The following POLR1A variants were observed in gnomAD, a reference collection of about 807,000 sequenced individuals.
The protein encoded by POLR1A is DNA-directed RNA polymerase I subunit RPA1.
Under a neutral mutation model 205.3 loss-of-function variants are expected in POLR1A, and 84 were observed. The ratio of observed to expected loss-of-function variants is 0.41; its 90% CI spans 0.34 to 0.49. POLR1A has a LOEUF of 0.49. POLR1A is among the 20% of genes least tolerant of loss of function. The probability of loss-of-function intolerance (pLI) is 0.22; values close to 1 mark genes in which losing one functional copy is unlikely to be tolerated. For synonymous variants in POLR1A, 799 were observed against 863.7 expected, an observed-to-expected ratio of 0.93 and a Z score of 1.31; for missense variants, 1,645 against 2,204.5, an observed-to-expected ratio of 0.75 and a Z score of 5.08.
intron 25 of POLR1A, chr2:86,039,878 G>A (rs530429991): frequency 1.1e-4 from 24 of 223,060 alleles, no homozygotes; most frequent in Admixed American, 9.9e-4. Context: ...AGGACCCCCT[G>A]AGGTTTGGAA....
intron 15 of POLR1A, among the ~76,000 whole-genome samples, chr2:86,053,799 T>G (rs3770082): frequency 0.042 from 6,455 of 152,218 alleles, 255 homozygotes; most frequent in East Asian, 0.23. Context: ...CTCAGAGTTA[T>G]GGGTGTGGAG....
chr2:86,085,066 A>G (rs1447099771), intron 6 of POLR1A, among the ~76,000 whole-genome samples: 2 of 152,134 alleles, frequency 1.3e-5, no homozygotes, highest in Non-Finnish European at 2.9e-5. Flanking sequence ...GGTTCACGCC[A>G]TTCTCCTGCC....
intron 6 of POLR1A, 87 bp downstream of exon 6, chr2:86,088,479 C>T (rs935700448): frequency 8.4e-6 from 7 of 831,702 alleles, no homozygotes; most frequent in South Asian, 6.1e-5. Flanking sequence ...CAGAGAAACA[C>T]GTGGTGAGGA....
At chr2:86,045,114 AAGGGG>A (rs1390244810) in intron 21 of POLR1A, among the ~76,000 whole-genome samples, 159 bp downstream of exon 21, 12 of 152,210 alleles carry the variant, frequency 7.9e-5, no homozygotes, top group Non-Finnish European at 1.8e-4. Flanking sequence ...CGATCCTGCG[AAGGGG>A]AACAGTGTTT....
chr2:86,035,181 T>TTTTTTAAC (rs1284281547), intron 27 of POLR1A, among the ~76,000 whole-genome samples: 4 of 152,178 alleles, frequency 2.6e-5, no homozygotes, highest in Non-Finnish European at 5.9e-5. Flanking sequence ...CCCAATATTA[T>TTTTTTAAC]TTTTTAACTT....
At chr2:86,027,662 GC>G (rs1373879806) in intron 33 of POLR1A, 139 bp from the exon 34 acceptor site, 4 of 848,364 alleles carry the variant, frequency 4.7e-6, no homozygotes, top group Non-Finnish European at 7.7e-6. Flanking sequence ...TCACGAGGCA[GC>G]CCCCCTCTAG....
At position 86,068,386 on chromosome 2, in the gene POLR1A, C is replaced by CGGG. The variant is rs543719645; in HGVS notation, c.1866+1629_1866+1631dup. ...GAACACGCACAGCCAAGCACATGGG[C>CGGG]GGGGGGGGGGGGCGGGTGTCGTCCA... is the stretch of plus-strand genomic sequence containing the variant. On this transcript the variant is annotated intron_variant, in intron 13 of 33. Transcript: ENST00000263857. Among the ~76,000 whole-genome samples, 46 of 12,228 alleles carry CGGG rather than the reference C, an allele frequency of 3.8e-3. 1 individual carries two copies. Among genetic ancestry groups the CGGG allele is most frequent in the African/African-American group, 5.4e-3 (12 of 2,226 alleles). 8.0% of individuals were successfully genotyped at this position (12,228 alleles called of 152,430 possible).
At chr2:86,088,053 A>G (rs946391806) in intron 6 of POLR1A, among the ~76,000 whole-genome samples, 12 of 152,172 alleles carry the variant, frequency 7.9e-5, no homozygotes, top group African/African-American at 2.9e-4. Context: ...GTATTAAGTT[A>G]TCTCAAAATT....
intron 16 of POLR1A, among the ~76,000 whole-genome samples, chr2:86,050,645 A>G (rs944910125): frequency 1.3e-5 from 2 of 152,338 alleles, no homozygotes; most frequent in Admixed American, 1.3e-4. Context: ...AAGCAGAGCT[A>G]AAGCCTGGCA....
Position 86,043,091 on chromosome 2 carries a change from G to A in POLR1A, c.3240C>T (p.Pro1080=), listed in dbSNP as rs1232063228. 2 of 1,614,112 alleles carry A rather than the reference G, an allele frequency of 1.2e-6. No homozygotes were observed. Among genetic ancestry groups the A allele is most frequent in the Non-Finnish European group, 1.7e-6 (2 of 1,179,968 alleles). ...AGGCGCCTCTTCTCAGCAGGGTGTT[G>A]GGGTGCTTGCTTTGCCATTTTTTGA... ...RAIKKWQSKH[P]NTLLRRGAFL... Residue 1080 remains proline (P), a synonymous_variant, in exon 23 of 34, where the codon CCC becomes CCT. Coordinates refer to ENST00000263857, the MANE Select transcript of POLR1A (RefSeq NM_015425.6).
At chr2:86,072,688 G>A (rs1384428835) in intron 12 of POLR1A, among the ~76,000 whole-genome samples, 1 of 152,264 alleles carries the variant, frequency 6.6e-6, no homozygotes, top group Non-Finnish European at 1.5e-5. Context: ...AGGCTGCTGA[G>A]CAGGGCAATG....
intron 14 of POLR1A, among the ~76,000 whole-genome samples, chr2:86,055,427 A>T (rs1410402306): frequency 2.0e-5 from 3 of 152,258 alleles, no homozygotes; most frequent in Non-Finnish European, 4.4e-5. Context: ...CTGTTTTCTC[A>T]GCAGAAGATG....
At chr2:86,102,037 T>C (rs564105564) in intron 1 of POLR1A, among the ~76,000 whole-genome samples, 43 of 152,368 alleles carry the variant, frequency 2.8e-4, no homozygotes, top group Admixed American at 1.9e-3. Context: ...AACCCATCCA[T>C]TGATAGACAC....
intron 3 of POLR1A, among the ~76,000 whole-genome samples, chr2:86,090,363 G>A (rs1415786739): frequency 7.2e-6 from 1 of 139,700 alleles, no homozygotes; most frequent in African/African-American, 2.7e-5. Context: ...ACTCCAGCCT[G>A]GGTACAGAGC....
chr2:86,035,131 A>C (rs1672471081), intron 27 of POLR1A, among the ~76,000 whole-genome samples: 1 of 152,168 alleles, frequency 6.6e-6, no homozygotes, highest in South Asian at 2.1e-4. Flanking sequence ...TTGGCCTCCC[A>C]AAGTGCTGGA....
intron 1 of POLR1A, among the ~76,000 whole-genome samples, chr2:86,103,865 T>C (rs1484637661): frequency 6.6e-6 from 1 of 152,142 alleles, no homozygotes; most frequent in Admixed American, 6.5e-5. Context: ...GTGTGTATGT[T>C]GGGTAGGGGA....
intron 13 of POLR1A, among the ~76,000 whole-genome samples, chr2:86,069,353 G>C (rs1466953488): frequency 6.6e-6 from 1 of 152,182 alleles, no homozygotes; most frequent in Non-Finnish European, 1.5e-5. Context: ...CTTTCCTGCA[G>C]CCTGCCTCTT....
At chr2:86,052,431 T>C (rs1672819271) in intron 16 of POLR1A, among the ~76,000 whole-genome samples, 2 of 152,172 alleles carry the variant, frequency 1.3e-5, no homozygotes, top group South Asian at 4.1e-4. Context: ...GAGGGTGCCA[T>C]TCTGCACTGT....
rs1220230144 is a variant in POLR1A, at chr2:86,024,909, G to A, written c.*2514C>T. ...CCCAGCACTTTGGGAGGCTGAGGCA[G>A]GCGGATCACCTGAGATTAGGAGTTC... On this transcript the variant is annotated 3_prime_UTR_variant, in exon 34 of 34. Coordinates refer to ENST00000263857, the MANE Select transcript of POLR1A (RefSeq NM_015425.6). The A allele has an allele frequency of 6.6e-6, 1 of 152,246 alleles. No homozygotes were observed. The highest frequency in any genetic ancestry group is 1.5e-5 in the Non-Finnish European group (1 of 68,076). 9.4% of individuals were successfully genotyped at this position (152,246 alleles called of 1,614,324 possible). A position where few individuals can be genotyped will look rare whatever the true frequency, so the allele number is the denominator to read the frequency against.
Sources: allele counts gnomAD v4.1 joint callset (sites outside exome capture counted in the v4.1 genomes callset), GRCh38; gene constraint gnomAD v4.1.1; transcripts MANE v1.5; gene names NCBI Gene and HGNC (gene_info 2026-07-23, HGNC 2026-07-21).